Variants in NPBWR2 observed in about 807,000 individuals in gnomAD.
NPBWR2 encodes neuropeptides B and W receptor 2.
For missense variants in NPBWR2, 390 were observed against 458.2 expected (o/e 0.85, Z 1.36); for synonymous variants, 207 against 223.5 (o/e 0.93, Z 0.66).
Position 64,107,084 on chromosome 20 carries a change from G to A in NPBWR2, c.-91-162C>T, listed in dbSNP as rs1208159087. 1 of 597,232 alleles carries A rather than the reference G, an allele frequency of 1.7e-6. No individual in the cohort carries two copies. The highest frequency in any genetic ancestry group is 1.9e-5 in the African/African-American group (1 of 53,738). 37.0% of individuals were successfully genotyped at this position (597,232 alleles called of 1,614,324 possible). On this transcript the variant is annotated intron_variant, in intron 1 of 1. Transcript: ENST00000684052. The surrounding 1 kb of genome is among the most constrained non-coding windows in gnomAD (Gnocchi z 6.3). ...TGGGGGCCTCCTCCCGCCTCTTCCT[G>A]GTGAGACTTCAGCAGATCAGTTCCC...
In NPBWR2 at chr20:64,105,511, G is replaced by T. The variant is rs1325536413; in HGVS notation, c.*319C>A. ...GAAAGAGACAGCCGGAACTGGGTGG[G>T]GGTGGGCGTGATGATGGGGGTGATG... is the stretch of plus-strand genomic sequence containing the variant. On this transcript the variant is annotated 3_prime_UTR_variant, in exon 2 of 2. Transcript: ENST00000684052. Among the ~76,000 whole-genome samples the T allele has an allele frequency of 2.0e-4, 11 of 54,768 alleles. No individual in the cohort carries two copies. Among genetic ancestry groups the T allele is most frequent in the South Asian group, 6.9e-4 (1 of 1,442 alleles). 35.9% of individuals were successfully genotyped at this position (54,768 alleles called of 152,430 possible). A position where few individuals can be genotyped will look rare whatever the true frequency, so the allele number is the denominator to read the frequency against.
chr20:64,105,718 TG>T lies in NPBWR2; in HGVS notation c.*111del, dbSNP rs1569285657. ...GTGGGGGTGATGGTGGGGGTGGTGG[TG>T]GGGGTGGGGGGGGGTGGGCCTGATG... On this transcript the variant is annotated 3_prime_UTR_variant, in exon 2 of 2. Coordinates refer to ENST00000684052, the MANE Select transcript of NPBWR2 (RefSeq NM_005286.4). The T allele has an allele frequency of 6.3e-6, 2 of 318,834 alleles. 1 individual carries two copies. The highest frequency in any genetic ancestry group is 9.8e-6 in the Non-Finnish European group (2 of 204,338). 19.8% of individuals were successfully genotyped at this position (318,834 alleles called of 1,614,324 possible).
In NPBWR2 at chr20:64,104,472, C is replaced by T. The variant is rs879723247; in HGVS notation, c.*1358G>A. 1.2e-4 allele frequency among the ~76,000 whole-genome samples: 18 copies of T among 146,512 alleles called. 1 individual carries two copies. The highest frequency in any genetic ancestry group is 4.1e-4 in the East Asian group (2 of 4,886). On this transcript the variant is annotated 3_prime_UTR_variant, in exon 2 of 2. Coordinates refer to ENST00000684052, the MANE Select transcript of NPBWR2 (RefSeq NM_005286.4). ...GGGGTGTACAGGCCATGGCGAGGAC[C>T]GTCGGCCACAGCAGGGGGGTACAGG...
Position 64,104,808 on chromosome 20 carries a change from C to T in NPBWR2, c.*1022G>A, listed in dbSNP as rs553317234. ...GAGCACAGGCCATGGTGAGGACTGTCGGCCACAGCAGGGGGGTACAGGGGA... is the reference window on the plus strand; with the variant it reads ...GAGCACAGGCCATGGTGAGGACTGTTGGCCACAGCAGGGGGGTACAGGGGA... On this transcript the variant is annotated 3_prime_UTR_variant, in exon 2 of 2. Coordinates refer to ENST00000684052, the MANE Select transcript of NPBWR2 (RefSeq NM_005286.4). Among the ~76,000 whole-genome samples, 15 of 135,750 alleles carry T rather than the reference C, an allele frequency of 1.1e-4. No homozygotes were observed. The highest frequency in any genetic ancestry group is 6.6e-4 in the East Asian group (3 of 4,532). The allele number at this position is 135,750 out of a possible 152,430, so 89.1% of individuals were successfully genotyped here.
Position 64,104,745 on chromosome 20 carries a change from A to C in NPBWR2, c.*1085T>G, listed in dbSNP as rs1259501880. On this transcript the variant is annotated 3_prime_UTR_variant, in exon 2 of 2. Coordinates refer to ENST00000684052, the MANE Select transcript of NPBWR2 (RefSeq NM_005286.4). ...AGGGGAGTATAGGGGAGCACAGGCC[A>C]TGGTGAGGACTGTCGGCCACAGCAG... Among the ~76,000 whole-genome samples the C allele has an allele frequency of 7.6e-6, 1 of 131,012 alleles. No homozygotes were observed. The highest frequency in any genetic ancestry group is 2.8e-5 in the African/African-American group (1 of 35,330). 85.9% of individuals were successfully genotyped at this position (131,012 alleles called of 152,430 possible).
chr20:64,107,199 G>T lies in NPBWR2; in HGVS notation c.-92+165C>A, dbSNP rs886818966. On this transcript the variant is annotated intron_variant, in intron 1 of 1. Transcript: ENST00000684052. This position sits in a 1 kb window ranked among gnomAD's most constrained non-coding sequence, Gnocchi z 6.3. Reference sequence around the variant, plus strand: ...AGCAACCCGCAGATGCACGGGCTGCGTAGAATCAAGCGGTCCCTTTGGAAA... The same window carrying T: ...AGCAACCCGCAGATGCACGGGCTGCTTAGAATCAAGCGGTCCCTTTGGAAA... 6.1e-6 allele frequency: 2 copies of T among 329,852 alleles called. No individual in the cohort carries two copies. Among genetic ancestry groups the T allele is most frequent in the Admixed American group, 4.5e-5 (1 of 22,342 alleles). The allele number at this position is 329,852 out of a possible 1,614,324, so 20.4% of individuals were successfully genotyped here. A position where few individuals can be genotyped will look rare whatever the true frequency, so the allele number is the denominator to read the frequency against.
In NPBWR2 at chr20:64,105,620, G is replaced by C. The variant is rs1317032456; in HGVS notation, c.*210C>G. The stretch of plus-strand genomic sequence containing the variant: ...TGGTGGGCGTGATGGTGGGGGTGGG[G>C]GTGATGGGGGTGGGCGTGATGGTGG... On this transcript the variant is annotated 3_prime_UTR_variant, in exon 2 of 2. Coordinates refer to ENST00000684052, the MANE Select transcript of NPBWR2 (RefSeq NM_005286.4). Among the ~76,000 whole-genome samples, 1 of 20,524 alleles carries C rather than the reference G, an allele frequency of 4.9e-5. No homozygotes were observed. The highest frequency in any genetic ancestry group is 2.4e-4 in the African/African-American group (1 of 4,174). The allele number at this position is 20,524 out of a possible 152,430, so 13.5% of individuals were successfully genotyped here.
Position 64,107,502 on chromosome 20 carries a change from C to A in NPBWR2, c.-230G>T, listed in dbSNP as rs1275015974. 6.6e-6 allele frequency among the ~76,000 whole-genome samples: 1 copy of A among 152,230 alleles called. No homozygotes were observed. Among genetic ancestry groups the A allele is most frequent in the Non-Finnish European group, 1.5e-5 (1 of 68,034 alleles). On this transcript the variant is annotated 5_prime_UTR_variant, in exon 1 of 2. Transcript: ENST00000684052. This position sits in a 1 kb window ranked among gnomAD's most constrained non-coding sequence, Gnocchi z 6.3. ...AGCTGAGGTTTCAGGAGTTTCAAGA[C>A]CTGCCCTGCTGGCTGCCTCAGCCCC... is the stretch of plus-strand genomic sequence containing the variant.
Position 64,105,773 on chromosome 20 carries a change from GATGATGATGGGGGGTGATGATGGGC to G in NPBWR2, c.*32_*56del, listed in dbSNP as rs532516187. 0.057 allele frequency: 81,073 copies of G among 1,433,170 alleles called. 6,624 individuals are homozygous for G. Among genetic ancestry groups the G allele is most frequent in the South Asian group, 0.14 (10,186 of 75,444 alleles). 88.8% of individuals were successfully genotyped at this position (1,433,170 alleles called of 1,614,324 possible). The stretch of plus-strand genomic sequence containing the variant: ...GTGTGGGCATGATGATGATGGGCGT[GATGATGATGGGGGGTGATGATGGGC>G]ATGATGATGGGGGTGATGGTGCCCA... On this transcript the variant is annotated 3_prime_UTR_variant, in exon 2 of 2. Coordinates refer to ENST00000684052, the MANE Select transcript of NPBWR2 (RefSeq NM_005286.4).
In NPBWR2 at chr20:64,104,339, C is replaced by G. The variant is rs1434501218; in HGVS notation, c.*1491G>C. On this transcript the variant is annotated 3_prime_UTR_variant, in exon 2 of 2. Coordinates refer to ENST00000684052, the MANE Select transcript of NPBWR2 (RefSeq NM_005286.4). ...ACCCCGGGAGAGAGAGTTCCAGGTGCCAGCCTGTCCAAGTGATGGATGGTC... is the reference window on the plus strand; with the variant it reads ...ACCCCGGGAGAGAGAGTTCCAGGTGGCAGCCTGTCCAAGTGATGGATGGTC... 1.3e-5 allele frequency among the ~76,000 whole-genome samples: 2 copies of G among 152,224 alleles called. No homozygotes were observed. Among genetic ancestry groups the G allele is most frequent in the African/African-American group, 2.4e-5 (1 of 41,460 alleles).
In NPBWR2 at chr20:64,107,026, G is replaced by A; in HGVS notation, c.-91-104C>T. The stretch of plus-strand genomic sequence containing the variant: ...ACTGCGGCCACTTTGCCAGGTCAAG[G>A]ACATGGGGCCAGAGGGAGCCTGGTG... On this transcript the variant is annotated intron_variant, in intron 1 of 1. Transcript: ENST00000684052. This position sits in a 1 kb window ranked among gnomAD's most constrained non-coding sequence, Gnocchi z 6.3. 1 of 680,892 alleles carries A rather than the reference G, an allele frequency of 1.5e-6. No homozygotes were observed. Among genetic ancestry groups the A allele is most frequent in the South Asian group, 2.0e-5 (1 of 50,742 alleles). The allele number at this position is 680,892 out of a possible 1,614,324, so 42.2% of individuals were successfully genotyped here.
Position 64,105,729 on chromosome 20 carries a change from G to GGTGGA in NPBWR2, c.*100_*101insTCCAC, listed in dbSNP as rs1979988935. ...GGTGGGGGTGGTGGTGGGGGTGGGG[G>GGTGGA]GGGGTGGGCCTGATGGGGGTGTGGG... On this transcript the variant is annotated 3_prime_UTR_variant, in exon 2 of 2. Coordinates refer to ENST00000684052, the MANE Select transcript of NPBWR2 (RefSeq NM_005286.4). The GGTGGA allele has an allele frequency of 1.9e-6, 1 of 513,940 alleles. No homozygotes were observed. Among genetic ancestry groups the GGTGGA allele is most frequent in the Non-Finnish European group, 2.9e-6 (1 of 348,532 alleles). 31.8% of individuals were successfully genotyped at this position (513,940 alleles called of 1,614,324 possible).
In NPBWR2 at chr20:64,105,775, TGATGATG is replaced by T; in HGVS notation, c.*48_*54del. The T allele has an allele frequency of 8.3e-7, 1 of 1,209,826 alleles. No individual in the cohort carries two copies. The highest frequency in any genetic ancestry group is 1.1e-6 in the Non-Finnish European group (1 of 921,252). 74.9% of individuals were successfully genotyped at this position (1,209,826 alleles called of 1,614,324 possible). A position where few individuals can be genotyped will look rare whatever the true frequency, so the allele number is the denominator to read the frequency against. Reference sequence around the variant, plus strand: ...GTGGGCATGATGATGATGGGCGTGATGATGATGGGGGGTGATGATGGGCATGATGATG... The same window carrying T: ...GTGGGCATGATGATGATGGGCGTGATGGGGGTGATGATGGGCATGATGATG... On this transcript the variant is annotated 3_prime_UTR_variant, in exon 2 of 2. Transcript: ENST00000684052.
chr20:64,106,040 G>A lies in NPBWR2; in HGVS notation c.792C>T (p.Val264=), dbSNP rs747238864. Reference sequence around the variant, plus strand: ...AGCAGAGGAGGCACACGGCCAGCACGACGAGGACCAGGACGGTCACCTTCC... The same window carrying A: ...AGCAGAGGAGGCACACGGCCAGCACAACGAGGACCAGGACGGTCACCTTCC... The part of the protein sequence containing the change: ...ARRKVTVLVL[V]VLAVCLLCWT... The change falls in exon 2 of 2, where the codon GTC becomes GTT. Residue 264 remains valine, a synonymous_variant. Coordinates refer to ENST00000684052, the MANE Select transcript of NPBWR2 (RefSeq NM_005286.4). This position sits in a 1 kb window ranked among gnomAD's most constrained non-coding sequence, Gnocchi z 9.5. 2.5e-5 allele frequency: 41 copies of A among 1,610,688 alleles called. No individual in the cohort carries two copies. The highest frequency in any genetic ancestry group is 9.4e-5 in the African/African-American group (7 of 74,832).
rs1330909905 is a variant in NPBWR2, at chr20:64,106,158, A to G, written c.674T>C (p.Val225Ala). ...YTLVLGFVLP[V>A]CTICVLYTDL... ...TGTGTAGAGCACACAGATGGTGCACACGGGCAGCACGAAGCCCAGGACCAA... is the reference window on the plus strand; with the variant it reads ...TGTGTAGAGCACACAGATGGTGCACGCGGGCAGCACGAAGCCCAGGACCAA... Residue 225 changes from valine (V) to alanine (A), a missense_variant, in exon 2 of 2, where the codon GTG becomes GCG. Coordinates refer to ENST00000684052, the MANE Select transcript of NPBWR2 (RefSeq NM_005286.4). The surrounding 1 kb of genome is among the most constrained non-coding windows in gnomAD (Gnocchi z 9.5). The G allele has an allele frequency of 2.5e-6, 4 of 1,612,464 alleles. No individual in the cohort carries two copies. The highest frequency in any genetic ancestry group is 2.2e-5 in the East Asian group (1 of 44,872).
rs933016300 is a variant in NPBWR2, at chr20:64,105,130, AC to A, written c.*699del. 2.0e-5 allele frequency among the ~76,000 whole-genome samples: 3 copies of A among 151,462 alleles called. No homozygotes were observed. Among genetic ancestry groups the A allele is most frequent in the African/African-American group, 7.3e-5 (3 of 41,160 alleles). On this transcript the variant is annotated 3_prime_UTR_variant, in exon 2 of 2. Coordinates refer to ENST00000684052, the MANE Select transcript of NPBWR2 (RefSeq NM_005286.4). ...GCTGCCTGAGGTGCCCGCACTTACC[AC>A]CCCCCGGCCCCATCTTGGGGAGAGA...
rs1414802101 is a variant in NPBWR2, at chr20:64,105,774, ATGATGATGGGGGG to A, written c.*43_*55del. ...TGTGGGCATGATGATGATGGGCGTG[ATGATGATGGGGGG>A]TGATGATGGGCATGATGATGGGGGT... On this transcript the variant is annotated 3_prime_UTR_variant, in exon 2 of 2. Coordinates refer to ENST00000684052, the MANE Select transcript of NPBWR2 (RefSeq NM_005286.4). The A allele has an allele frequency of 5.1e-5, 54 of 1,054,202 alleles. 1 individual carries two copies. The highest frequency in any genetic ancestry group is 6.6e-5 in the Non-Finnish European group (52 of 791,488). 65.3% of individuals were successfully genotyped at this position (1,054,202 alleles called of 1,614,324 possible).
At position 64,104,920 on chromosome 20, in the gene NPBWR2, C is replaced by CCATGGAGAGGACCGTCAGACACAGCAGGG. The variant is rs1979910423; in HGVS notation, c.*909_*910insCCCTGCTGTGTCTGACGGTCCTCTCCATG. On this transcript the variant is annotated 3_prime_UTR_variant, in exon 2 of 2. Coordinates refer to ENST00000684052, the MANE Select transcript of NPBWR2 (RefSeq NM_005286.4). Reference sequence around the variant, plus strand: ...GAGAGGACTGTCGGACACAGCAGGGCGGGTACAGGCCATGGCAAGGACCGT... The same window carrying CCATGGAGAGGACCGTCAGACACAGCAGGG: ...GAGAGGACTGTCGGACACAGCAGGGCCATGGAGAGGACCGTCAGACACAGCAGGGGGGTACAGGCCATGGCAAGGACCGT... Among the ~76,000 whole-genome samples, 1 of 104,576 alleles carries CCATGGAGAGGACCGTCAGACACAGCAGGG rather than the reference C, an allele frequency of 9.6e-6. No individual in the cohort carries two copies. Among genetic ancestry groups the CCATGGAGAGGACCGTCAGACACAGCAGGG allele is most frequent in the Non-Finnish European group, 2.2e-5 (1 of 45,666 alleles). The allele number at this position is 104,576 out of a possible 152,430, so 68.6% of individuals were successfully genotyped here.
At position 64,106,521 on chromosome 20, in the gene NPBWR2, T is replaced by G. The variant is rs1481065840; in HGVS notation, c.311A>C (p.Glu104Ala). 5.0e-6 allele frequency: 8 copies of G among 1,612,298 alleles called. No homozygotes were observed. The Admixed American group carries it at 1.2e-4, about 24-fold the overall frequency. ...GAAGGGCCAGTACTGCAGCAGGTGC[T>G]CCGCGATGTTGACGGGCAGTACCAG... is the stretch of plus-strand genomic sequence containing the variant. ...FTLVLPVNIAEHLLQYWPFGE... is the reference protein window; with the variant it reads ...FTLVLPVNIAAHLLQYWPFGE... The change falls in exon 2 of 2, where the codon GAG becomes GCG. Residue 104 changes from glutamate to alanine, a missense_variant. Glu to Ala is a moderately radical substitution (Grantham distance 107). Coordinates refer to ENST00000684052, the MANE Select transcript of NPBWR2 (RefSeq NM_005286.4). This position sits in a 1 kb window ranked among gnomAD's most constrained non-coding sequence, Gnocchi z 9.5.
Sources: allele counts gnomAD v4.1 joint callset (sites outside exome capture counted in the v4.1 genomes callset), GRCh38; gene constraint gnomAD v4.1.1; non-coding constraint Gnocchi (gnomAD v3.1); transcripts MANE v1.5; gene names NCBI Gene and HGNC (gene_info 2026-07-23, HGNC 2026-07-21).